The following GUCY1A2 variants were observed in gnomAD, a reference collection of about 807,000 sequenced individuals.
The protein encoded by GUCY1A2 is guanylate cyclase 1 soluble subunit alpha 2, also known as guanylate cyclase soluble subunit alpha-2.
GUCY1A2 carries 27 observed loss-of-function variants against 63.5 expected under a neutral mutation model. The observed-to-expected ratio is 0.43, with a 90% CI of 0.31 to 0.59. The LOEUF (loss-of-function observed/expected upper bound fraction) is 0.59, where lower values mean the gene tolerates loss of function less well. Ranked by LOEUF, GUCY1A2 falls within the 20% of genes least tolerant of loss-of-function variation. The pLI is 0.11. For synonymous variants in GUCY1A2, 364 were observed against 343.5 expected (o/e 1.06, Z -0.66); for missense variants, 768 against 913.3 (o/e 0.84, Z 2.05).
intron 6 of GUCY1A2, among the ~76,000 whole-genome samples, chr11:106,739,295 G>C (rs1299790621): frequency 6.6e-6 from 1 of 152,084 alleles, no homozygotes; most frequent in African/African-American, 2.4e-5. Flanking sequence ...ATTTTGGGCC[G>C]AGACAATTGT....
intron 6 of GUCY1A2, among the ~76,000 whole-genome samples, chr11:106,769,400 C>G (rs1013881419): frequency 2.0e-5 from 3 of 151,998 alleles, no homozygotes. Context: ...ATAATTTTTA[C>G]AACCAACTGA....
At chr11:106,960,727 G>T (rs915669799) in intron 3 of GUCY1A2, among the ~76,000 whole-genome samples, 1 of 152,082 alleles carries the variant, frequency 6.6e-6, no homozygotes, top group African/African-American at 2.4e-5. Flanking sequence ...CAAAAATGAT[G>T]GTGGTAACAG....
rs1314832802 is a variant in GUCY1A2, at chr11:106,870,080, G to T, written c.1207-59602C>A. On this transcript the variant is annotated intron_variant, in intron 4 of 7. Coordinates refer to ENST00000526355, the MANE Select transcript of GUCY1A2 (RefSeq NM_000855.3). ...TGAGAACTCTTGGACACAGGAAGGG[G>T]AACATCACACACCAGGGCCTCTTGT... 3.2e-5 allele frequency among the ~76,000 whole-genome samples: 4 copies of T among 126,464 alleles called. No individual in the cohort carries two copies. The East Asian group carries it at 1.1e-3, about 35-fold the overall frequency. 83.0% of individuals were successfully genotyped at this position (126,464 alleles called of 152,430 possible). A position where few individuals can be genotyped will look rare whatever the true frequency, so the allele number is the denominator to read the frequency against.
At chr11:106,725,621 G>C (rs1863394807) in intron 6 of GUCY1A2, among the ~76,000 whole-genome samples, 3 of 152,088 alleles carry the variant, frequency 2.0e-5, no homozygotes, top group Admixed American at 2.0e-4. Context: ...AGCCATGGTA[G>C]AGTATCATGT....
intron 4 of GUCY1A2, among the ~76,000 whole-genome samples, chr11:106,908,797 C>T (rs1217858195): frequency 4.6e-5 from 7 of 152,084 alleles, no homozygotes; most frequent in Non-Finnish European, 1.0e-4. Context: ...TCCAGAAATC[C>T]TTTGGCAATT....
intron 1 of GUCY1A2, among the ~76,000 whole-genome samples, chr11:107,013,012 G>A (rs556698625): frequency 6.6e-6 from 1 of 151,120 alleles, no homozygotes; most frequent in African/African-American, 2.4e-5. Flanking sequence ...AGTATTTTAT[G>A]CCTTTTCATT....
chr11:106,854,091 G>A (rs1037306551), intron 4 of GUCY1A2, among the ~76,000 whole-genome samples: 16 of 152,174 alleles, frequency 1.1e-4, no homozygotes, highest in Admixed American at 1.0e-3. Context: ...ACCAGTAATG[G>A]CTGTGGGGTG....
intron 7 of GUCY1A2, among the ~76,000 whole-genome samples, chr11:106,701,132 T>A (rs1862810462): frequency 6.6e-6 from 1 of 152,072 alleles, no homozygotes; most frequent in African/African-American, 2.4e-5. Flanking sequence ...GTTTATAAAG[T>A]AAATTCCTAA....
At chr11:106,899,228 C>A (rs1163464371) in intron 4 of GUCY1A2, among the ~76,000 whole-genome samples, 2 of 152,032 alleles carry the variant, frequency 1.3e-5, no homozygotes, top group African/African-American at 4.8e-5. Context: ...ACAAAAAACA[C>A]GATAGTGAAT....
rs559847815 is a variant in GUCY1A2, at chr11:106,677,965, G to A, written c.*9584C>T. The A allele has an allele frequency of 9.4e-5, 19 of 202,610 alleles. No homozygotes were observed. The highest frequency in any genetic ancestry group is 7.2e-4 in the Admixed American group (12 of 16,694). 12.6% of individuals were successfully genotyped at this position (202,610 alleles called of 1,614,324 possible). A position where few individuals can be genotyped will look rare whatever the true frequency, so the allele number is the denominator to read the frequency against. On this transcript the variant is annotated 3_prime_UTR_variant, in exon 8 of 8. Transcript: ENST00000526355. ...TTTAAGGATCAAATGAAAAAGCAATGAGCACCTATTATTTCAGGTCATTGA... is the reference window on the plus strand; with the variant it reads ...TTTAAGGATCAAATGAAAAAGCAATAAGCACCTATTATTTCAGGTCATTGA...
chr11:106,929,617 A>T (rs979638498), intron 4 of GUCY1A2, among the ~76,000 whole-genome samples: 3 of 152,182 alleles, frequency 2.0e-5, no homozygotes, highest in African/African-American at 7.2e-5. Flanking sequence ...ATTTACCTTT[A>T]AAGTTTGGGT....
chr11:106,865,330 A>G lies in GUCY1A2; in HGVS notation c.1207-54852T>C, dbSNP rs527607802. Among the ~76,000 whole-genome samples the G allele has an allele frequency of 1.6e-4, 24 of 152,006 alleles. 1 individual carries two copies. In the South Asian group the frequency reaches 4.8e-3, roughly 30 times the overall value. ...AGCAGTCTGTTAATCTTTTCAAAAA[A>G]CCAGATCCTGGATTCATTGATTTTT... On this transcript the variant is annotated intron_variant, in intron 4 of 7. Transcript: ENST00000526355.
At chr11:106,864,216 A>C (rs1859556108) in intron 4 of GUCY1A2, among the ~76,000 whole-genome samples, 1 of 128,588 alleles carries the variant, frequency 7.8e-6, no homozygotes. Flanking sequence ...AAGTATAATA[A>C]TAATAAGAAG....
chr11:106,827,188 C>T (rs1858983115), intron 4 of GUCY1A2: 33 of 1,509,406 alleles, frequency 2.2e-5, no homozygotes, highest in Non-Finnish European at 2.8e-5. Flanking sequence ...CCAATCTGGT[C>T]CCAACGCACT....
chr11:106,795,434 ACT>A (rs1309434834), intron 5 of GUCY1A2, among the ~76,000 whole-genome samples: 1 of 152,140 alleles, frequency 6.6e-6, no homozygotes, highest in Admixed American at 6.6e-5. Flanking sequence ...CCAATATTAA[ACT>A]CTGACTATCA....
intron 4 of GUCY1A2, among the ~76,000 whole-genome samples, chr11:106,861,541 T>C (rs960560745): frequency 3.3e-5 from 5 of 151,980 alleles, no homozygotes; most frequent in Non-Finnish European, 7.4e-5. Context: ...AGAAACAAGT[T>C]GGGGCTCTAT....
At chr11:106,905,333 T>A (rs997921800) in intron 4 of GUCY1A2, among the ~76,000 whole-genome samples, 5 of 152,108 alleles carry the variant, frequency 3.3e-5, no homozygotes, top group Non-Finnish European at 7.4e-5. Context: ...ATAGATTGGG[T>A]GGCTTAAACA....
rs146060435 is a variant in GUCY1A2, at chr11:107,004,585, C to T, written c.303+13168G>A. On this transcript the variant is annotated intron_variant, in intron 1 of 7. Transcript: ENST00000526355. ...GTGCTGCAAAGCCCACAGAGAGCAA[C>T]GCTGACAAGGTTCCTCCTTTGTGTA... 3.5e-3 allele frequency among the ~76,000 whole-genome samples: 531 copies of T among 152,208 alleles called. 3 individuals are homozygous for T. Among genetic ancestry groups the T allele is most frequent in the African/African-American group, 0.011 (437 of 41,512 alleles).
chr11:106,827,115 C>T (rs1858981322), intron 4 of GUCY1A2: 1 of 1,483,194 alleles, frequency 6.7e-7, no homozygotes, highest in East Asian at 2.3e-5. Context: ...TTACTTCACA[C>T]ATAGCTTCAA....
Sources: allele counts gnomAD v4.1 joint callset (sites outside exome capture counted in the v4.1 genomes callset), GRCh38; gene constraint gnomAD v4.1.1; transcripts MANE v1.5; gene names NCBI Gene and HGNC (gene_info 2026-07-23, HGNC 2026-07-21).